SYT17: variants seen among roughly 807,000 people sequenced by gnomAD.
SYT17 encodes the protein synaptotagmin 17.
SYT17 carries 22 observed loss-of-function variants against 46.7 expected under a neutral mutation model. That is an observed-to-expected ratio of 0.47 (90% CI 0.34 to 0.67). The LOEUF (loss-of-function observed/expected upper bound fraction) is 0.67, where lower values mean the gene tolerates loss of function less well. SYT17 is among the 30% of genes least tolerant of loss of function. The pLI is 0.01. For missense variants in SYT17, 519 were observed against 612.8 expected (o/e 0.85, Z 1.62); for synonymous variants, 251 against 248.4 (o/e 1.01, Z -0.10).
chr16:19,173,669 G>C lies in SYT17; in HGVS notation c.182+91G>C, dbSNP rs967008134. On this transcript the variant is annotated intron_variant, in intron 3 of 7. Transcript: ENST00000355377. ...CGGGTTGGGGGTCTGGGCCACGGGA[G>C]GGAGGATTTGGGGGCATGAAAGAGA... 8.7e-6 allele frequency: 12 copies of C among 1,382,032 alleles called. No homozygotes were observed. In the Middle Eastern group the frequency reaches 6.5e-4, roughly 75 times the overall value. 85.6% of individuals were successfully genotyped at this position (1,382,032 alleles called of 1,614,324 possible). A position where few individuals can be genotyped will look rare whatever the true frequency, so the allele number is the denominator to read the frequency against.
intron 5 of SYT17, among the ~76,000 whole-genome samples, chr16:19,221,287 A>C (rs1247344873): frequency 1.3e-5 from 2 of 151,990 alleles, no homozygotes; most frequent in African/African-American, 2.4e-5. Flanking sequence ...AAGGTGGTGC[A>C]CTGATGGGCC....
chr16:19,256,866 C>T (rs1968612178), intron 7 of SYT17, among the ~76,000 whole-genome samples: 1 of 152,156 alleles, frequency 6.6e-6, no homozygotes, highest in Non-Finnish European at 1.5e-5. Flanking sequence ...GCATAAGCCA[C>T]TGTGCTTGGC....
At chr16:19,252,480 T>C (rs757063231) in intron 7 of SYT17, among the ~76,000 whole-genome samples, 3 of 7,670 alleles carry the variant, frequency 3.9e-4, no homozygotes, top group Non-Finnish European at 6.1e-4. Context: ...CATATATATA[T>C]ACATATATAT....
chr16:19,248,524 A>G (rs1268292237), intron 7 of SYT17, among the ~76,000 whole-genome samples: 3 of 152,362 alleles, frequency 2.0e-5, no homozygotes, highest in African/African-American at 2.4e-5. Context: ...ACATTCATAC[A>G]TTAGAATACT....
chr16:19,240,308 C>T (rs1277754486), intron 7 of SYT17, among the ~76,000 whole-genome samples: 2 of 151,176 alleles, frequency 1.3e-5, no homozygotes, highest in Non-Finnish European at 2.9e-5. Flanking sequence ...CGAAGAGGAG[C>T]TTTATTGAGC....
chr16:19,240,233 G>A (rs1966994649), intron 7 of SYT17, among the ~76,000 whole-genome samples: 1 of 152,190 alleles, frequency 6.6e-6, no homozygotes, highest in Admixed American at 6.5e-5. Flanking sequence ...CATTTGGCAG[G>A]CCCTGAGTTC....
rs1479170433 is a variant in SYT17 at position 19,267,274 on chromosome 16, C to T, written c.*198C>T. On this transcript the variant is annotated 3_prime_UTR_variant, in exon 8 of 8. Transcript: ENST00000355377. ...GACTATTGATCACAAAATGGCCGCC[C>T]TCAGTTGAGTGAGGCCTAGGAACTT... is the stretch of plus-strand genomic sequence containing the variant. 2 of 463,254 alleles carry T rather than the reference C, an allele frequency of 4.3e-6. No individual in the cohort carries two copies. The highest frequency in any genetic ancestry group is 7.4e-5 in the East Asian group (2 of 26,870). The allele number at this position is 463,254 out of a possible 1,614,324, so 28.7% of individuals were successfully genotyped here.
chr16:19,211,199 G>A lies in SYT17; in HGVS notation c.952-11846G>A, dbSNP rs2142799414. 6.4e-6 allele frequency: 3 copies of A among 469,758 alleles called. No homozygotes were observed. The East Asian group carries it at 9.9e-5, about 15-fold the overall frequency. The allele number at this position is 469,758 out of a possible 1,614,324, so 29.1% of individuals were successfully genotyped here. A position where few individuals can be genotyped will look rare whatever the true frequency, so the allele number is the denominator to read the frequency against. ...AAGGAAATGAGGCCTGTTTATTTGT[G>A]ACATCGCTTCCACAAGGGACGAGGT... On this transcript the variant is annotated intron_variant, in intron 5 of 7. Transcript: ENST00000355377.
At chr16:19,191,611 G>C (rs1965023738) in intron 5 of SYT17, among the ~76,000 whole-genome samples, 1 of 152,174 alleles carries the variant, frequency 6.6e-6, no homozygotes, top group Non-Finnish European at 1.5e-5. Context: ...ACCAATGTCA[G>C]CCACTTATTT....
At position 19,200,899 on chromosome 16, in the gene SYT17, C is replaced by T. The variant is rs538139225; in HGVS notation, c.951+16752C>T. Among the ~76,000 whole-genome samples the T allele has an allele frequency of 2.8e-4, 42 of 152,250 alleles. 1 individual carries two copies. In the South Asian group the frequency reaches 6.0e-3, roughly 22 times the overall value. ...TCCTTAGGGAATTAAACTGGGCAACCGAGAGGTGATGTGTGGAGGCAGAAG... is the reference window on the plus strand; with the variant it reads ...TCCTTAGGGAATTAAACTGGGCAACTGAGAGGTGATGTGTGGAGGCAGAAG... On this transcript the variant is annotated intron_variant, in intron 5 of 7. Coordinates refer to ENST00000355377, the MANE Select transcript of SYT17 (RefSeq NM_016524.4).
At chr16:19,221,207 AAGAG>A (rs199578890) in intron 5 of SYT17, among the ~76,000 whole-genome samples, 4,327 of 146,728 alleles carry the variant, frequency 0.029, 81 homozygotes, top group Non-Finnish European at 0.046. Flanking sequence ...AAAAAAAAAA[AAGAG>A]AGAGAGAGAA....
At chr16:19,205,107 C>T (rs1473281063) in intron 5 of SYT17, among the ~76,000 whole-genome samples, 3 of 152,158 alleles carry the variant, frequency 2.0e-5, no homozygotes, top group Non-Finnish European at 2.9e-5. Flanking sequence ...CATTTCTCAA[C>T]CCAGCAGCCA....
intron 7 of SYT17, among the ~76,000 whole-genome samples, chr16:19,247,730 CTTTATT>C (rs1967685826): frequency 6.6e-6 from 1 of 152,156 alleles, no homozygotes; most frequent in African/African-American, 2.4e-5. Flanking sequence ...TTAAAATCAT[CTTTATT>C]TTTAATTATG....
intron 7 of SYT17, among the ~76,000 whole-genome samples, chr16:19,233,529 GTC>G (rs1966780842): frequency 6.6e-6 from 1 of 151,974 alleles, no homozygotes; most frequent in South Asian, 2.1e-4. Flanking sequence ...GGTGGTGCAT[GTC>G]TGTCATCCCA....
chr16:19,257,180 G>A (rs1968632449), intron 7 of SYT17, among the ~76,000 whole-genome samples: 1 of 151,970 alleles, frequency 6.6e-6, no homozygotes, highest in East Asian at 1.9e-4. Flanking sequence ...CTGTTGGAAG[G>A]AAAAACATGA....
chr16:19,220,819 A>G (rs1364883822), intron 5 of SYT17, among the ~76,000 whole-genome samples: 1 of 152,040 alleles, frequency 6.6e-6, no homozygotes, highest in African/African-American at 2.4e-5. Context: ...AGTAAGGGGG[A>G]CTCTGGCTAA....
chr16:19,232,327 T>C (rs1966730102), intron 7 of SYT17, among the ~76,000 whole-genome samples: 1 of 152,192 alleles, frequency 6.6e-6, no homozygotes, highest in African/African-American at 2.4e-5. Context: ...GTCTCTATTT[T>C]CACATGCATC....
intron 5 of SYT17, among the ~76,000 whole-genome samples, chr16:19,214,678 T>A (rs1006795686): frequency 3.3e-5 from 5 of 152,118 alleles, no homozygotes; most frequent in Admixed American, 2.6e-4. Context: ...AGACCCTGAG[T>A]GTGATGGCAA....
At position 19,168,800 on chromosome 16, in the gene SYT17, G is replaced by A. The variant is rs1291500630; in HGVS notation, c.15+139G>A. ...CGAGAAAAAGGGTGCCCGTGCGCGGGCAACCTGTGCAGCAACAGGGGTGCG... is the reference window on the plus strand; with the variant it reads ...CGAGAAAAAGGGTGCCCGTGCGCGGACAACCTGTGCAGCAACAGGGGTGCG... On this transcript the variant is annotated intron_variant, in intron 1 of 7. Transcript: ENST00000355377. This position sits in a 1 kb window ranked among gnomAD's most constrained non-coding sequence, Gnocchi z 6.9. 1 of 1,147,802 alleles carries A rather than the reference G, an allele frequency of 8.7e-7. No homozygotes were observed. Among genetic ancestry groups the A allele is most frequent in the Non-Finnish European group, 1.2e-6 (1 of 843,104 alleles). 71.1% of individuals were successfully genotyped at this position (1,147,802 alleles called of 1,614,324 possible).
Sources: allele counts gnomAD v4.1 joint callset (sites outside exome capture counted in the v4.1 genomes callset), GRCh38; gene constraint gnomAD v4.1.1; non-coding constraint Gnocchi (gnomAD v3.1); transcripts MANE v1.5; gene names NCBI Gene and HGNC (gene_info 2026-07-23, HGNC 2026-07-21).